BTBD9: variants seen among roughly 807,000 people sequenced by gnomAD.
The protein encoded by BTBD9 is BTB/POZ domain-containing protein 9.
BTBD9 carries 49 observed loss-of-function variants against 64.3 expected under a neutral mutation model. The ratio of observed to expected loss-of-function variants is 0.76; its 90% CI spans 0.61 to 0.97. The LOEUF (loss-of-function observed/expected upper bound fraction) is 0.97. Ranked by LOEUF, BTBD9 falls within the 50% of genes least tolerant of loss-of-function variation. The probability of loss-of-function intolerance (pLI) is 0.00; values close to 1 mark genes in which losing one functional copy is unlikely to be tolerated. For missense variants in BTBD9, 598 were observed against 762.1 expected (o/e 0.78, Z 2.53); for synonymous variants, 260 against 274.7 (o/e 0.95, Z 0.53).
chr6:38,528,296 A>G (rs1328492100), intron 6 of BTBD9, among the ~76,000 whole-genome samples: 1 of 152,196 alleles, frequency 6.6e-6, no homozygotes, highest in Non-Finnish European at 1.5e-5. Context: ...AAGCCCTGCC[A>G]CCACATGCTA....
intron 9 of BTBD9, chr6:38,207,344 G>T: frequency 4.7e-6 from 1 of 214,100 alleles, no homozygotes; most frequent in South Asian, 5.4e-5. Context: ...CACTGAAGCT[G>T]GGTGTGGCAG....
chr6:38,552,765 AAAAG>A (rs1206749036), intron 6 of BTBD9, among the ~76,000 whole-genome samples: 1 of 152,058 alleles, frequency 6.6e-6, no homozygotes, highest in African/African-American at 2.4e-5. Flanking sequence ...AAAAAAAAAA[AAAAG>A]AAAGAGGGCT....
chr6:38,605,874 G>A (rs1238615324), intron 1 of BTBD9, among the ~76,000 whole-genome samples: 1 of 152,178 alleles, frequency 6.6e-6, no homozygotes, highest in East Asian at 1.9e-4. Context: ...TATTGTTCCT[G>A]GGTATGTCTG....
chr6:38,218,108 TC>T (rs1218091899), intron 9 of BTBD9, among the ~76,000 whole-genome samples: 1 of 152,150 alleles, frequency 6.6e-6, no homozygotes, highest in Non-Finnish European at 1.5e-5. Context: ...AGGAACTGGC[TC>T]TCACTGGTTC....
intron 10 of BTBD9, among the ~76,000 whole-genome samples, chr6:38,180,406 G>A (rs1441182134): frequency 6.6e-6 from 1 of 152,164 alleles, no homozygotes; most frequent in Non-Finnish European, 1.5e-5. Context: ...ATGGCAGCTT[G>A]GAGGAAGTCA....
intron 9 of BTBD9, among the ~76,000 whole-genome samples, chr6:38,231,096 G>A (rs1255307894): frequency 6.6e-6 from 1 of 152,130 alleles, no homozygotes; most frequent in East Asian, 1.9e-4. Flanking sequence ...TTCTCATAAT[G>A]GTGAGAATTA....
At chr6:38,206,355 C>T (rs1299913926) in intron 9 of BTBD9, among the ~76,000 whole-genome samples, 1 of 151,948 alleles carries the variant, frequency 6.6e-6, no homozygotes, top group Non-Finnish European at 1.5e-5. Flanking sequence ...AATTCTCTGC[C>T]TCAGCCTCCC....
intron 6 of BTBD9, among the ~76,000 whole-genome samples, chr6:38,453,924 T>A (rs1769672765): frequency 6.6e-6 from 1 of 152,226 alleles, no homozygotes; most frequent in Admixed American, 6.5e-5. Context: ...ATTCTATATA[T>A]TTAAGAAATA....
At chr6:38,265,562 C>T (rs1025990524) in intron 8 of BTBD9, among the ~76,000 whole-genome samples, 4 of 148,516 alleles carry the variant, frequency 2.7e-5, no homozygotes, top group Admixed American at 6.8e-5. Flanking sequence ...AGTTCAGTGG[C>T]GTAATCTTGG....
At chr6:38,336,333 G>C (rs1267151016) in intron 7 of BTBD9, among the ~76,000 whole-genome samples, 1 of 152,160 alleles carries the variant, frequency 6.6e-6, no homozygotes, top group Non-Finnish European at 1.5e-5. Flanking sequence ...CTGCTATGAA[G>C]AAATACCCGA....
At chr6:38,411,281 A>G (rs1030456769) in intron 6 of BTBD9, among the ~76,000 whole-genome samples, 3 of 152,234 alleles carry the variant, frequency 2.0e-5, no homozygotes, top group Admixed American at 1.3e-4. Flanking sequence ...CTGAAAAAGA[A>G]GAGCAGATAT....
intron 6 of BTBD9, among the ~76,000 whole-genome samples, chr6:38,547,744 C>T (rs982491186): frequency 6.6e-6 from 1 of 152,172 alleles, no homozygotes; most frequent in Non-Finnish European, 1.5e-5. Flanking sequence ...ATCATTTCCT[C>T]AGGGAGGACC....
At chr6:38,453,015 T>C (rs1357835376) in intron 6 of BTBD9, among the ~76,000 whole-genome samples, 2 of 152,282 alleles carry the variant, frequency 1.3e-5, no homozygotes, top group East Asian at 3.9e-4. Context: ...CAAATTCCAA[T>C]ACCATTCATT....
At chr6:38,292,776 G>A (rs1247800678) in intron 7 of BTBD9, among the ~76,000 whole-genome samples, 2 of 152,048 alleles carry the variant, frequency 1.3e-5, no homozygotes, top group African/African-American at 4.8e-5. Flanking sequence ...CCAGCTCCTG[G>A]ATGCATTGAT....
At chr6:38,177,763 T>G (rs1414041558) in intron 10 of BTBD9, among the ~76,000 whole-genome samples, 1 of 152,236 alleles carries the variant, frequency 6.6e-6, no homozygotes, top group Non-Finnish European at 1.5e-5. Flanking sequence ...ACTTGGGCAG[T>G]GTTAAGGGCA....
chr6:38,312,249 G>A (rs1006372565), intron 7 of BTBD9, among the ~76,000 whole-genome samples: 21 of 152,134 alleles, frequency 1.4e-4, no homozygotes, highest in South Asian at 2.1e-4. Flanking sequence ...ATTTTTAATC[G>A]GATTATTTGA....
intron 9 of BTBD9, among the ~76,000 whole-genome samples, chr6:38,236,432 CAG>C (rs1353844866): frequency 6.6e-6 from 1 of 152,208 alleles, no homozygotes; most frequent in East Asian, 1.9e-4. Context: ...AACATCCTAA[CAG>C]AGGCTAAAGA....
intron 1 of BTBD9, among the ~76,000 whole-genome samples, chr6:38,605,345 G>A (rs9349094): frequency 6.6e-6 from 1 of 152,048 alleles, no homozygotes; most frequent in Admixed American, 6.5e-5. Context: ...ACCATACCCA[G>A]CCAGCTTTAC....
intron 6 of BTBD9, among the ~76,000 whole-genome samples, chr6:38,366,636 G>A (rs1765193522): frequency 6.6e-6 from 1 of 152,194 alleles, no homozygotes; most frequent in African/African-American, 2.4e-5. Flanking sequence ...TATTTTGGAA[G>A]CTGCTAAACA....
Sources: allele counts gnomAD v4.1 joint callset (sites outside exome capture counted in the v4.1 genomes callset), GRCh38; gene constraint gnomAD v4.1.1; transcripts MANE v1.5; gene names NCBI Gene and HGNC (gene_info 2026-07-23, HGNC 2026-07-21).